TERT: variants seen among roughly 807,000 people sequenced by gnomAD.
TERT encodes the protein telomerase catalytic subunit.
A neutral mutation model predicts 104.0 loss-of-function variants in TERT; 42 were observed. The ratio of observed to expected loss-of-function variants is 0.40; its 90% CI spans 0.32 to 0.52. TERT has a LOEUF of 0.52. TERT is among the 20% of genes least tolerant of loss of function. The pLI is 0.43. For missense variants in TERT, 1,101 were observed against 1,610.3 expected, an observed-to-expected ratio of 0.68 and a Z score of 5.41; for synonymous variants, 781 against 725.6, an observed-to-expected ratio of 1.08 and a Z score of -1.23.
At position 1,255,204 on chromosome 5, in the gene TERT, A is replaced by C; in HGVS notation, c.3157+83T>G. ...ATGCGAAAAGGGGTAAGAACTTCCTAAGCCCAGATTCACTCAGTCTCCTGA... is the reference window on the plus strand; with the variant it reads ...ATGCGAAAAGGGGTAAGAACTTCCTCAGCCCAGATTCACTCAGTCTCCTGA... On this transcript the variant is annotated intron_variant, in intron 14 of 15. Coordinates refer to ENST00000310581, the MANE Select transcript of TERT (RefSeq NM_198253.3). This position sits in a 1 kb window ranked among gnomAD's most constrained non-coding sequence, Gnocchi z 6.9. The C allele has an allele frequency of 1.3e-6, 2 of 1,558,402 alleles. No homozygotes were observed. The highest frequency in any genetic ancestry group is 4.7e-5 in the East Asian group (2 of 42,944).
Position 1,269,294 on chromosome 5 carries a change from C to T in TERT, c.2469-661G>A, listed in dbSNP as rs1276382197. Among the ~76,000 whole-genome samples the T allele has an allele frequency of 3.3e-5, 5 of 152,148 alleles. No individual in the cohort carries two copies. Among genetic ancestry groups the T allele is most frequent in the Non-Finnish European group, 5.9e-5 (4 of 68,034 alleles). ...AACAAGACCTGTTATTTTCGGGAAGCGCTATAGGTGGTCACCTTAAAAAGA... is the reference window on the plus strand; with the variant it reads ...AACAAGACCTGTTATTTTCGGGAAGTGCTATAGGTGGTCACCTTAAAAAGA... On this transcript the variant is annotated intron_variant, in intron 8 of 15. Transcript: ENST00000310581. This position sits in a 1 kb window ranked among gnomAD's most constrained non-coding sequence, Gnocchi z 9.0.
rs1707599068 is a variant in TERT, at chr5:1,262,378, T to C, written c.2844-1778A>G. On this transcript the variant is annotated intron_variant, in intron 11 of 15. Coordinates refer to ENST00000310581, the MANE Select transcript of TERT (RefSeq NM_198253.3). This position sits in a 1 kb window ranked among gnomAD's most constrained non-coding sequence, Gnocchi z 5.6. Reference sequence around the variant, plus strand: ...CTGTCCATCAGTTCTGACCACATTCTACCATCTGAGCTGTGGTTTGGGAGA... The same window carrying C: ...CTGTCCATCAGTTCTGACCACATTCCACCATCTGAGCTGTGGTTTGGGAGA... 6.6e-6 allele frequency among the ~76,000 whole-genome samples: 1 copy of C among 152,256 alleles called. No individual in the cohort carries two copies. Among genetic ancestry groups the C allele is most frequent in the Non-Finnish European group, 1.5e-5 (1 of 68,042 alleles).
rs773813809 is a variant in TERT, at chr5:1,279,401, C to T, written c.2020G>A (p.Gly674Ser). The T allele has an allele frequency of 1.6e-5, 25 of 1,530,784 alleles. No homozygotes were observed. The highest frequency in any genetic ancestry group is 4.2e-5 in the African/African-American group (3 of 72,278). The allele number at this position is 1,530,784 out of a possible 1,614,324, so 94.8% of individuals were successfully genotyped here. A position where few individuals can be genotyped will look rare whatever the true frequency, so the allele number is the denominator to read the frequency against. ...CCCAGCACAGAGGCGCCCAGGAGGC[C>T]GGGGCGCCGCGCCCGCTCGTAGTTG... ...VLNYERARRP[G>S]LLGASVLGLD... Residue 674 changes from glycine to serine, a missense_variant, in exon 5 of 16, where the codon GGC (glycine) becomes AGC (serine). Transcript: ENST00000310581.
rs889404514 is a variant in TERT, at chr5:1,264,606, G to C, written c.2655-14C>G. 1.9e-6 allele frequency: 3 copies of C among 1,613,426 alleles called. No individual in the cohort carries two copies. The highest frequency in any genetic ancestry group is 2.7e-5 in the African/African-American group (2 of 74,946). The stretch of plus-strand genomic sequence containing the variant: ...CGGACCAGGGTCCTAAGGCAGAGGG[G>C]CAATGTCAGCCCCAGGATGCGGGGC... On this transcript the variant is annotated splice_polypyrimidine_tract_variant and intron_variant, in intron 10 of 15. Transcript: ENST00000310581.
At chr5:1,260,843 G>A (rs905301179) in intron 11 of TERT, among the ~76,000 whole-genome samples, 6 of 152,138 alleles carry the variant, frequency 3.9e-5, no homozygotes, top group Admixed American at 1.3e-4. Context: ...TCCAAACCTC[G>A]CACGGCCGTG....
At chr5:1,276,906 G>A (rs1749636836) in intron 6 of TERT, among the ~76,000 whole-genome samples, 1 of 152,254 alleles carries the variant, frequency 6.6e-6, no homozygotes, top group Admixed American at 6.5e-5. Context: ...TCCTCAAAAG[G>A]CTTGACTTGA....
intron 2 of TERT, among the ~76,000 whole-genome samples, chr5:1,284,894 C>T: frequency 6.6e-6 from 1 of 150,554 alleles, no homozygotes; most frequent in East Asian, 2.0e-4. Flanking sequence ...TCACTCCAGA[C>T]CTGCACCATC....
intron 12 of TERT, 69 bp from the exon 13 acceptor site, chr5:1,258,728 T>C: frequency 7.7e-7 from 1 of 1,303,586 alleles, no homozygotes; most frequent in Non-Finnish European, 1.1e-6. Context: ...TACTTTTTGC[T>C]TTATCATCCA....
rs145182386 is a variant in TERT at position 1,261,425 on chromosome 5, C to T, written c.2844-825G>A. Reference sequence around the variant, plus strand: ...GGAACACTGGAAATGGTAAATAAGACCCGTGATAATGTCTGGTCACTTCAG... The same window carrying T: ...GGAACACTGGAAATGGTAAATAAGATCCGTGATAATGTCTGGTCACTTCAG... On this transcript the variant is annotated intron_variant, in intron 11 of 15. Coordinates refer to ENST00000310581, the MANE Select transcript of TERT (RefSeq NM_198253.3). This position sits in a 1 kb window ranked among gnomAD's most constrained non-coding sequence, Gnocchi z 7.4. Among the ~76,000 whole-genome samples the T allele has an allele frequency of 6.6e-6, 1 of 152,256 alleles. No individual in the cohort carries two copies. The highest frequency in any genetic ancestry group is 2.4e-5 in the African/African-American group (1 of 41,552).
At chr5:1,282,306 C>T in intron 3 of TERT, 123 bp downstream of exon 3, 1 of 1,096,088 alleles carries the variant, frequency 9.1e-7, no homozygotes, top group South Asian at 1.3e-5. Context: ...GACGGGGCCC[C>T]TGGCTCCCAG....
Position 1,294,555 on chromosome 5 carries a change from G to C in TERT, c.331C>G (p.Pro111Ala). Residue 111 changes from proline to alanine, a missense_variant, in exon 2 of 16, where the codon CCC becomes GCC. Around this residue, in one of 5 missense-constraint regions of TERT, gnomAD observed 47 missense variants for 105.3 expected, o/e 0.45. Transcript: ENST00000310581. Reference protein sequence around the residue: ...FALLDGARGGPPEAFTTSVRS... With the variant: ...FALLDGARGGAPEAFTTSVRS... ...ACGCTGGTGGTGAAGGCCTCGGGGG[G>C]GCCCCCGCGGGCCCCGTCCAGCAGC... 1 of 1,579,242 alleles carries C rather than the reference G, an allele frequency of 6.3e-7. No individual in the cohort carries two copies. The highest frequency in any genetic ancestry group is 1.1e-5 in the South Asian group (1 of 88,538).
chr5:1,294,787 G>A lies in TERT; in HGVS notation c.203C>T (p.Ala68Val), dbSNP rs1421869855. 1.3e-6 allele frequency: 2 copies of A among 1,528,664 alleles called. No homozygotes were observed. Among genetic ancestry groups the A allele is most frequent in the Non-Finnish European group, 1.7e-6 (2 of 1,146,088 alleles). 94.7% of individuals were successfully genotyped at this position (1,528,664 alleles called of 1,614,324 possible). Residue 68 changes from alanine (A) to valine (V), a missense_variant, in exon 1 of 16, where the codon GCC (alanine) becomes GTC (valine). Ala to Val is a moderately conservative substitution (Grantham distance 64). This residue lies in a region of TERT where 87 missense variants were observed against 145.4 expected (regional missense o/e 0.60). Coordinates refer to ENST00000310581, the MANE Select transcript of TERT (RefSeq NM_198253.3). ...VPWDARPPPA[A>V]PSFRQVSCLK... ...GAGGCCCACCTGGCGGAAGGAGGGG[G>A]CGGCGGGGGGCGGCCGTGCGTCCCA...
At chr5:1,282,821 A>G (rs2126650865) in intron 2 of TERT, 197 bp from the exon 3 acceptor site, 1 of 640,570 alleles carries the variant, frequency 1.6e-6, no homozygotes, top group African/African-American at 1.9e-5. Flanking sequence ...CCATTCGGAC[A>G]CGGGGACACC....
rs1298888184 is a variant in TERT, at chr5:1,288,842, G to A, written c.1573+4471C>T. Among the ~76,000 whole-genome samples, 1 of 152,204 alleles carries A rather than the reference G, an allele frequency of 6.6e-6. No individual in the cohort carries two copies. Among genetic ancestry groups the A allele is most frequent in the Non-Finnish European group, 1.5e-5 (1 of 68,044 alleles). The stretch of plus-strand genomic sequence containing the variant: ...AGGCCCAACAGAGGCAAGCGGACCT[G>A]AAGCTGTGGCTGCAGTGCCTGGCAC... On this transcript the variant is annotated intron_variant, in intron 2 of 15. Transcript: ENST00000310581. This position sits in a 1 kb window ranked among gnomAD's most constrained non-coding sequence, Gnocchi z 5.3.
At position 1,288,486 on chromosome 5, in the gene TERT, A is replaced by G. The variant is rs1178091140; in HGVS notation, c.1573+4827T>C. ...CTCAGAGCAGGAGACAGACAGAGAC[A>G]CTCCAACCTGTGGCTGGACGTCAAT... On this transcript the variant is annotated intron_variant, in intron 2 of 15. Transcript: ENST00000310581. The surrounding 1 kb of genome is among the most constrained non-coding windows in gnomAD (Gnocchi z 5.3). Among the ~76,000 whole-genome samples, 1 of 152,046 alleles carries G rather than the reference A, an allele frequency of 6.6e-6. No homozygotes were observed. The highest frequency in any genetic ancestry group is 2.4e-5 in the African/African-American group (1 of 41,390).
intron 2 of TERT, among the ~76,000 whole-genome samples, chr5:1,284,334 C>G (rs569811396): frequency 8.3e-6 from 1 of 120,242 alleles, no homozygotes; most frequent in Non-Finnish European, 1.7e-5. Context: ...GACCTCACCC[C>G]GGACCTGCAT....
intron 12 of TERT, among the ~76,000 whole-genome samples, chr5:1,259,473 G>GGA (rs1748030853): frequency 7.1e-6 from 1 of 140,926 alleles, no homozygotes; most frequent in Non-Finnish European, 1.5e-5. Context: ...CACAGGAGAG[G>GGA]GAGTGGACGC....
intron 13 of TERT, 76 bp downstream of exon 13, chr5:1,258,522 G>A: frequency 7.3e-7 from 1 of 1,369,198 alleles, no homozygotes; most frequent in Non-Finnish European, 1.0e-6. Context: ...GTTCCAAGGT[G>A]AAGCCCCGGG....
chr5:1,278,484 C>A (rs1749769684), intron 6 of TERT, among the ~76,000 whole-genome samples, 157 bp downstream of exon 6: 1 of 152,020 alleles, frequency 6.6e-6, no homozygotes, highest in African/African-American at 2.4e-5. Context: ...CAGATACATG[C>A]ACCACGACAC....
Sources: gnomAD v4.1 joint callset for allele counts (sites outside exome capture counted in the v4.1 genomes callset) on GRCh38, gnomAD v4.1.1 for gene constraint, gnomAD v4.1.1 regional missense constraint, Gnocchi (gnomAD v3.1) non-coding constraint, MANE v1.5 for transcripts, NCBI Gene and HGNC (gene_info 2026-07-23, HGNC 2026-07-21) for gene names.